Variants in CHMP4C observed in about 807,000 individuals in gnomAD.
The protein encoded by CHMP4C is SNF7 homolog associated with Alix 3.
Under a neutral mutation model 29.0 loss-of-function variants are expected in CHMP4C, and 28 were observed. That is an observed-to-expected ratio of 0.97 (90% CI 0.72 to 1.32). The LOEUF (loss-of-function observed/expected upper bound fraction) is 1.32, where lower values mean the gene tolerates loss of function less well. Ranked by LOEUF, CHMP4C falls within the 40% of genes most tolerant of loss-of-function variation. CHMP4C has a pLI of 0.00. For synonymous variants in CHMP4C, 106 were observed against 102.4 expected (o/e 1.04, Z -0.21); for missense variants, 291 against 281.0 (o/e 1.04, Z -0.25).
At chr8:81,753,883 C>T (rs1384773429) in intron 2 of CHMP4C, among the ~76,000 whole-genome samples, 1 of 151,946 alleles carries the variant, frequency 6.6e-6, no homozygotes, top group East Asian at 1.9e-4. Flanking sequence ...CAATGAGATA[C>T]TAGATATAAT....
intron 1 of CHMP4C, among the ~76,000 whole-genome samples, chr8:81,741,818 T>A (rs372544189): frequency 3.3e-5 from 5 of 152,310 alleles, no homozygotes; most frequent in Non-Finnish European, 1.5e-5. Context: ...GTAATTTTCG[T>A]TTCTCCTACC....
At chr8:81,744,137 C>T (rs1808795288) in intron 1 of CHMP4C, among the ~76,000 whole-genome samples, 1 of 152,104 alleles carries the variant, frequency 6.6e-6, no homozygotes. Context: ...GCTATTTACC[C>T]TCCATGTGAC....
chr8:81,746,573 C>T (rs1808826145), intron 1 of CHMP4C, among the ~76,000 whole-genome samples: 1 of 152,210 alleles, frequency 6.6e-6, no homozygotes. Flanking sequence ...CAAAGAAGGA[C>T]TTTTCCCTGA....
chr8:81,758,482 T>C lies in CHMP4C; in HGVS notation c.640T>C (p.Ser214Pro). ...TTTTTATCTATTTTATGTTCCAGCATCTTCCCAGAGGGCAGAAGAAGAGGA... is the reference window on the plus strand; with the variant it reads ...TTTTTATCTATTTTATGTTCCAGCACCTTCCCAGAGGGCAGAAGAAGAGGA... ...SSTARRSRAASSQRAEEEDDD... is the reference protein window; with the variant it reads ...SSTARRSRAAPSQRAEEEDDD... The change falls in exon 5 of 5, where the codon TCT becomes CCT. Residue 214 changes from serine to proline, a missense_variant and splice_region_variant. Ser to Pro is a moderately conservative substitution (Grantham distance 74). Coordinates refer to ENST00000297265, the MANE Select transcript of CHMP4C (RefSeq NM_152284.4). 1 of 1,612,462 alleles carries C rather than the reference T, an allele frequency of 6.2e-7. No individual in the cohort carries two copies. The highest frequency in any genetic ancestry group is 1.7e-5 in the Admixed American group (1 of 59,928).
In CHMP4C at chr8:81,758,258, A is replaced by C; in HGVS notation, c.600A>C (p.Lys200Asn). 6.2e-7 allele frequency: 1 copy of C among 1,614,010 alleles called. No homozygotes were observed. Among genetic ancestry groups the C allele is most frequent in the African/African-American group, 1.3e-5 (1 of 75,038 alleles). ...CTCTCCCAGCACAGCCAAATAGAAA[A>C]CCAGGCATGTCGTCCACTGCACGTC... Reference protein sequence around the residue: ...SSSLPAQPNRKPGMSSTARRS... With the variant: ...SSSLPAQPNRNPGMSSTARRS... Residue 200 changes from lysine (K) to asparagine (N), a missense_variant, in exon 4 of 5, where the codon AAA becomes AAC. Transcript: ENST00000297265.
At chr8:81,753,619 G>C (rs745524287) in intron 2 of CHMP4C, among the ~76,000 whole-genome samples, 1 of 152,082 alleles carries the variant, frequency 6.6e-6, no homozygotes, top group African/African-American at 2.4e-5. Flanking sequence ...TAAATAAAGA[G>C]AACACAGATG....
At chr8:81,753,707 A>C in intron 2 of CHMP4C, among the ~76,000 whole-genome samples, 1 of 152,160 alleles carries the variant, frequency 6.6e-6, no homozygotes, top group East Asian at 1.9e-4. Flanking sequence ...CCACTGACAC[A>C]GAAGAATAGT....
chr8:81,743,109 A>C (rs908046952), intron 1 of CHMP4C, among the ~76,000 whole-genome samples: 1 of 152,090 alleles, frequency 6.6e-6, no homozygotes, highest in Non-Finnish European at 1.5e-5. Flanking sequence ...AGAGGGGCTA[A>C]AGGAATACAG....
intron 1 of CHMP4C, among the ~76,000 whole-genome samples, chr8:81,747,178 C>T (rs975116620): frequency 1.3e-5 from 2 of 152,158 alleles, no homozygotes; most frequent in Non-Finnish European, 2.9e-5. Flanking sequence ...ACGATTATTA[C>T]ACACAGGTAT....
intron 1 of CHMP4C, among the ~76,000 whole-genome samples, chr8:81,751,527 T>C (rs1808903088): frequency 6.6e-6 from 1 of 152,238 alleles, no homozygotes; most frequent in Non-Finnish European, 1.5e-5. Context: ...AAAACTTGTT[T>C]AATTATATGT....
At chr8:81,746,552 A>G (rs1157769709) in intron 1 of CHMP4C, among the ~76,000 whole-genome samples, 8 of 152,152 alleles carry the variant, frequency 5.3e-5, no homozygotes, top group African/African-American at 1.9e-4. Flanking sequence ...TCTTTCTCAC[A>G]GGAGAAAAAA....
rs148499711 is a variant in CHMP4C, at chr8:81,736,785, T to C, written c.190+3969T>C. Among the ~76,000 whole-genome samples the C allele has an allele frequency of 3.2e-3, 492 of 152,278 alleles. 3 individuals carry two copies. Among genetic ancestry groups the C allele is most frequent in the African/African-American group, 0.011 (464 of 41,550 alleles). On this transcript the variant is annotated intron_variant, in intron 1 of 4. Coordinates refer to ENST00000297265, the MANE Select transcript of CHMP4C (RefSeq NM_152284.4). ...GACTTCATTGAGCTCATGGGACAGGTTGGCAAATTATTTTTTGTGCTTGCT... is the reference window on the plus strand; with the variant it reads ...GACTTCATTGAGCTCATGGGACAGGCTGGCAAATTATTTTTTGTGCTTGCT...
At chr8:81,733,809 A>G (rs1808650210) in intron 1 of CHMP4C, among the ~76,000 whole-genome samples, 1 of 152,086 alleles carries the variant, frequency 6.6e-6, no homozygotes, top group African/African-American at 2.4e-5. Flanking sequence ...GCAATATCGG[A>G]CTCTGCTTAC....
chr8:81,758,620 GT>G lies in CHMP4C; in HGVS notation c.*78del. On this transcript the variant is annotated 3_prime_UTR_variant, in exon 5 of 5. Coordinates refer to ENST00000297265, the MANE Select transcript of CHMP4C (RefSeq NM_152284.4). Reference sequence around the variant, plus strand: ...AAAAATGTTTTTACCAAGTTCAGAAGTTAACAAAGACTCTGCTTTATAATTA... The same window carrying G: ...AAAAATGTTTTTACCAAGTTCAGAAGTAACAAAGACTCTGCTTTATAATTA... The G allele has an allele frequency of 1.0e-6, 1 of 956,226 alleles. No individual in the cohort carries two copies. Among genetic ancestry groups the G allele is most frequent in the Non-Finnish European group, 1.7e-6 (1 of 601,780 alleles). The allele number at this position is 956,226 out of a possible 1,614,324, so 59.2% of individuals were successfully genotyped here.
At chr8:81,733,124 AAAGAC>A (rs1808640933) in intron 1 of CHMP4C, among the ~76,000 whole-genome samples, 1 of 152,242 alleles carries the variant, frequency 6.6e-6, no homozygotes, top group South Asian at 2.1e-4. Context: ...AATTTTAAAT[AAAGAC>A]AAGATTGGTA....
rs538457552 is a variant in CHMP4C at position 81,740,565 on chromosome 8, C to CAGTTG, written c.190+7751_190+7752insTTGAG. Among the ~76,000 whole-genome samples the CAGTTG allele has an allele frequency of 1.6e-4, 24 of 152,202 alleles. No homozygotes were observed. The South Asian group carries it at 5.0e-3, about 32-fold the overall frequency. ...GAGCTAAGGCATAATCCCAGTTTGA[C>CAGTTG]AGATCAACACTCAATGAATTCAGAT... On this transcript the variant is annotated intron_variant, in intron 1 of 4. Transcript: ENST00000297265.
At chr8:81,741,524 C>T (rs781594249) in intron 1 of CHMP4C, among the ~76,000 whole-genome samples, 1 of 151,968 alleles carries the variant, frequency 6.6e-6, no homozygotes, top group Non-Finnish European at 1.5e-5. Flanking sequence ...ATAAAAGTAC[C>T]AGATACTCTA....
intron 1 of CHMP4C, among the ~76,000 whole-genome samples, chr8:81,739,102 T>TC (rs936722389): frequency 6.9e-6 from 1 of 145,618 alleles, no homozygotes; most frequent in Non-Finnish European, 1.5e-5. Context: ...TTTCCCTTTT[T>TC]TTTTTTTTTT....
intron 1 of CHMP4C, among the ~76,000 whole-genome samples, chr8:81,735,400 C>T (rs1269311512): frequency 6.6e-6 from 1 of 152,048 alleles, no homozygotes; most frequent in Non-Finnish European, 1.5e-5. Context: ...TCTAAATAAA[C>T]CAGATAACTT....
Sources: allele counts gnomAD v4.1 joint callset (sites outside exome capture counted in the v4.1 genomes callset), GRCh38; gene constraint gnomAD v4.1.1; transcripts MANE v1.5; gene names NCBI Gene and HGNC (gene_info 2026-07-23, HGNC 2026-07-21).